CSMD1: variants seen among roughly 807,000 people sequenced by gnomAD.
The protein encoded by CSMD1 is CUB and Sushi multiple domains 1.
Under a neutral mutation model 417.5 loss-of-function variants are expected in CSMD1, and 213 were observed. The observed-to-expected ratio is 0.51, with a 90% CI of 0.46 to 0.57. CSMD1 has a LOEUF of 0.57. Among genes scored for constraint, CSMD1 ranks in the 20% least tolerant of loss-of-function variants. The pLI is 0.00. For missense variants in CSMD1, 6,923 were observed against 4,529.7 expected (o/e 1.53, Z -15.17); for synonymous variants, 2,862 against 1,736.8 (o/e 1.65, Z -16.11).
chr8:2,947,029 T>C (rs371003141), intron 68 of CSMD1, among the ~76,000 whole-genome samples: 2 of 152,250 alleles, frequency 1.3e-5, no homozygotes, highest in African/African-American at 2.4e-5. Context: ...TTTAGAGACA[T>C]ATCTATTCAA....
At chr8:4,878,372 A>G (rs983684228) in intron 1 of CSMD1, among the ~76,000 whole-genome samples, 10 of 152,216 alleles carry the variant, frequency 6.6e-5, no homozygotes, top group African/African-American at 2.4e-4. Context: ...ATGGAAGCCT[A>G]AACTATACCA....
intron 8 of CSMD1, among the ~76,000 whole-genome samples, chr8:3,610,264 G>T (rs113048662): frequency 3.7e-4 from 56 of 152,250 alleles, no homozygotes; most frequent in African/African-American, 1.3e-3. Flanking sequence ...TGTGGGCTGG[G>T]CACGGTATCA....
At chr8:4,930,872 C>A (rs1405014220) in intron 1 of CSMD1, among the ~76,000 whole-genome samples, 1 of 152,142 alleles carries the variant, frequency 6.6e-6, no homozygotes, top group African/African-American at 2.4e-5. Flanking sequence ...AAAGGGTTCC[C>A]AGAATTACTG....
intron 5 of CSMD1, among the ~76,000 whole-genome samples, chr8:3,934,571 T>A (rs1490912269): frequency 6.6e-6 from 1 of 152,154 alleles, no homozygotes; most frequent in Non-Finnish European, 1.5e-5. Context: ...ATTGGTATAT[T>A]TGGCCAGGCG....
At chr8:3,253,101 G>A (rs993993908) in intron 26 of CSMD1, among the ~76,000 whole-genome samples, 1 of 152,096 alleles carries the variant, frequency 6.6e-6, no homozygotes, top group Non-Finnish European at 1.5e-5. Flanking sequence ...TGGTTCTCCA[G>A]TTCTTTTAAT....
intron 4 of CSMD1, among the ~76,000 whole-genome samples, chr8:4,004,960 G>T (rs1483983845): frequency 6.6e-6 from 1 of 152,072 alleles, no homozygotes; most frequent in African/African-American, 2.4e-5. Context: ...TAGCCAGGAT[G>T]GTCTCAATCT....
chr8:3,783,174 C>T (rs772830741), intron 5 of CSMD1, among the ~76,000 whole-genome samples: 1 of 152,192 alleles, frequency 6.6e-6, no homozygotes, highest in Non-Finnish European at 1.5e-5. Context: ...CATCTTTCCA[C>T]CTGTTCTATT....
intron 14 of CSMD1, among the ~76,000 whole-genome samples, chr8:3,406,754 T>G (rs928600048): frequency 1.3e-5 from 2 of 152,240 alleles, no homozygotes; most frequent in Admixed American, 6.5e-5. Context: ...CATATCATAA[T>G]GTAGTATTAC....
chr8:4,553,573 C>A (rs1174168093), intron 2 of CSMD1, among the ~76,000 whole-genome samples: 1 of 151,274 alleles, frequency 6.6e-6, no homozygotes, highest in African/African-American at 2.4e-5. Flanking sequence ...ACACATTAAA[C>A]ATTCTAAATT....
intron 5 of CSMD1, among the ~76,000 whole-genome samples, chr8:3,823,516 A>T (rs9694779): frequency 0.3 from 46,297 of 152,060 alleles, 7,640 homozygotes; most frequent in East Asian, 0.58. Context: ...ATCAAATAAC[A>T]TTTTGTTATA....
At position 4,012,637 on chromosome 8, in the gene CSMD1, G is replaced by A. The variant is rs141502363; in HGVS notation, c.611-14527C>T. The stretch of plus-strand genomic sequence containing the variant: ...TCTGTATGTCTACAGTTTTCAGAGT[G>A]TCCATCAGTTCCATGAATGTCTCCT... On this transcript the variant is annotated intron_variant, in intron 4 of 69. Coordinates refer to ENST00000635120, the MANE Select transcript of CSMD1 (RefSeq NM_033225.6). Among the ~76,000 whole-genome samples, 509 of 152,144 alleles carry A rather than the reference G, an allele frequency of 3.3e-3. 3 individuals are homozygous for A. Among genetic ancestry groups the A allele is most frequent in the African/African-American group, 0.011 (464 of 41,462 alleles).
At chr8:3,145,922 T>C (rs1485782002) in intron 40 of CSMD1, among the ~76,000 whole-genome samples, 1 of 152,224 alleles carries the variant, frequency 6.6e-6, no homozygotes, top group African/African-American at 2.4e-5. Context: ...ATTTTTGCCT[T>C]TGGCATTGAC....
intron 5 of CSMD1, among the ~76,000 whole-genome samples, chr8:3,892,449 C>T (rs892186365): frequency 6.6e-6 from 1 of 151,978 alleles, no homozygotes; most frequent in Non-Finnish European, 1.5e-5. Context: ...GCTTCATAGC[C>T]CCTCATTCAT....
chr8:3,911,346 C>G (rs149802881), intron 5 of CSMD1, among the ~76,000 whole-genome samples: 2 of 151,076 alleles, frequency 1.3e-5, no homozygotes, highest in Non-Finnish European at 2.9e-5. Context: ...AGCTAACACA[C>G]TGAAACCCCA....
intron 3 of CSMD1, among the ~76,000 whole-genome samples, chr8:4,068,208 C>T (rs73502921): frequency 0.14 from 21,546 of 152,130 alleles, 1,618 homozygotes; most frequent in Admixed American, 0.19. Flanking sequence ...AAAAATCTTC[C>T]GTGCAGTGTT....
At chr8:4,449,031 T>C (rs1049949633) in intron 2 of CSMD1, among the ~76,000 whole-genome samples, 5 of 152,228 alleles carry the variant, frequency 3.3e-5, no homozygotes, top group Non-Finnish European at 7.3e-5. Context: ...GCCTAATTTA[T>C]GGTTCTTGAG....
At chr8:4,488,036 A>G (rs1481741456) in intron 2 of CSMD1, among the ~76,000 whole-genome samples, 1 of 152,186 alleles carries the variant, frequency 6.6e-6, no homozygotes, top group African/African-American at 2.4e-5. Context: ...TGAGTAGGTC[A>G]TGAGGATGGA....
chr8:3,780,115 T>G lies in CSMD1; in HGVS notation c.819-26073A>C, dbSNP rs532887185. Among the ~76,000 whole-genome samples, 19 of 152,364 alleles carry G rather than the reference T, an allele frequency of 1.2e-4. No individual in the cohort carries two copies. The South Asian group carries it at 3.9e-3, about 32-fold the overall frequency. On this transcript the variant is annotated intron_variant, in intron 5 of 69. Transcript: ENST00000635120. ...ACCAGTCGGTGTTGCATTAGAAGGC[T>G]TGCGCTGATATAAACCTGTGCCATC...
At chr8:4,293,273 C>G (rs1055428571) in intron 3 of CSMD1, among the ~76,000 whole-genome samples, 3 of 152,124 alleles carry the variant, frequency 2.0e-5, no homozygotes, top group Admixed American at 2.0e-4. Context: ...AACAAGGAAG[C>G]TTGAAGCAGC....
Sources: gnomAD v4.1 joint callset for allele counts (sites outside exome capture counted in the v4.1 genomes callset) on GRCh38, gnomAD v4.1.1 for gene constraint, MANE v1.5 for transcripts, NCBI Gene and HGNC (gene_info 2026-07-23, HGNC 2026-07-21) for gene names.